ZBTB20: variants seen among roughly 807,000 people sequenced by gnomAD.
The protein encoded by ZBTB20 is zinc finger and BTB domain containing 20, also known as zinc finger and BTB domain-containing protein 20.
ZBTB20 carries 9 observed loss-of-function variants against 56.9 expected under a neutral mutation model. The observed-to-expected ratio is 0.16, with a 90% CI of 0.10 to 0.28. The LOEUF is 0.28. Ranked by LOEUF, ZBTB20 falls within the 10% of genes least tolerant of loss-of-function variation. The probability of loss-of-function intolerance (pLI) is 1.00; values close to 1 mark genes in which losing one functional copy is unlikely to be tolerated. For synonymous variants in ZBTB20, 417 were observed against 420.7 expected (o/e 0.99, Z 0.11); for missense variants, 655 against 1,003.0 (o/e 0.65, Z 4.69).
At chr3:114,388,320 A>G (rs1233786050) in intron 8 of ZBTB20, 1 of 152,274 alleles carries the variant, frequency 6.6e-6, no homozygotes, top group Non-Finnish European at 1.5e-5. Flanking sequence ...AATACTTGAT[A>G]TCAAACTTTC....
chr3:115,069,586 T>C (rs1465104225), intron 2 of ZBTB20, among the ~76,000 whole-genome samples: 3 of 151,964 alleles, frequency 2.0e-5, no homozygotes, highest in African/African-American at 7.2e-5. Context: ...TTCTCATAAA[T>C]CCTGAGAAAA....
chr3:115,132,883 A>C (rs1403995913), intron 1 of ZBTB20, among the ~76,000 whole-genome samples: 4 of 152,194 alleles, frequency 2.6e-5, no homozygotes, highest in Admixed American at 2.0e-4. Context: ...TATATTTCCT[A>C]TTATTGAATC....
intron 1 of ZBTB20, among the ~76,000 whole-genome samples, chr3:115,121,689 T>C (rs1254287271): frequency 6.6e-6 from 1 of 152,026 alleles, no homozygotes; most frequent in Non-Finnish European, 1.5e-5. Flanking sequence ...ATTGATATTA[T>C]AGTTTATAGA....
At chr3:115,095,728 G>A (rs913286283) in intron 1 of ZBTB20, among the ~76,000 whole-genome samples, 5 of 151,966 alleles carry the variant, frequency 3.3e-5, no homozygotes, top group Non-Finnish European at 7.4e-5. Context: ...TAGAACTAGG[G>A]GAGCTCAAGG....
intron 1 of ZBTB20, among the ~76,000 whole-genome samples, chr3:115,109,823 T>A (rs1017465595): frequency 6.6e-6 from 1 of 152,102 alleles, no homozygotes; most frequent in Non-Finnish European, 1.5e-5. Context: ...AAAGTAAAAT[T>A]TAAAGAAAGG....
chr3:115,112,213 G>A (rs948708298), intron 1 of ZBTB20, among the ~76,000 whole-genome samples: 1 of 151,886 alleles, frequency 6.6e-6, no homozygotes, highest in Non-Finnish European at 1.5e-5. Flanking sequence ...TATTTATGGG[G>A]TATATGTGAT....
At chr3:114,579,313 G>C (rs965439340) in intron 6 of ZBTB20, among the ~76,000 whole-genome samples, 4 of 151,464 alleles carry the variant, frequency 2.6e-5, no homozygotes, top group African/African-American at 9.7e-5. Context: ...TGTTTACAAA[G>C]TAAAAGCATA....
At chr3:114,759,749 T>C (rs2068299861) in intron 5 of ZBTB20, among the ~76,000 whole-genome samples, 1 of 152,168 alleles carries the variant, frequency 6.6e-6, no homozygotes, top group African/African-American at 2.4e-5. Flanking sequence ...ACTGATTTGT[T>C]CATGCATTCT....
intron 7 of ZBTB20, among the ~76,000 whole-genome samples, chr3:114,445,150 A>G (rs2091192406): frequency 6.6e-6 from 1 of 152,202 alleles, no homozygotes; most frequent in Non-Finnish European, 1.5e-5. Flanking sequence ...TAAATCTTTA[A>G]GCAGATGTGC....
chr3:115,091,125 A>C (rs371199199), intron 1 of ZBTB20, among the ~76,000 whole-genome samples: 1 of 151,614 alleles, frequency 6.6e-6, no homozygotes, highest in Non-Finnish European at 1.5e-5. Context: ...AAAAAAGTGA[A>C]AAACAAATAA....
chr3:114,693,891 A>G (rs997630312), intron 5 of ZBTB20, among the ~76,000 whole-genome samples: 3 of 151,972 alleles, frequency 2.0e-5, no homozygotes, highest in African/African-American at 7.2e-5. Flanking sequence ...TTAATTATCC[A>G]TGGTCTGTTT....
intron 1 of ZBTB20, among the ~76,000 whole-genome samples, chr3:115,113,347 C>A (rs193129613): frequency 1.4e-3 from 212 of 152,300 alleles, no homozygotes; most frequent in Middle Eastern, 3.4e-3. Flanking sequence ...TGGGTGAATT[C>A]CTCTTCCAGG....
chr3:115,110,676 C>G (rs895095382), intron 1 of ZBTB20, among the ~76,000 whole-genome samples: 4 of 152,016 alleles, frequency 2.6e-5, no homozygotes, highest in Non-Finnish European at 5.9e-5. Context: ...GTTTATATCT[C>G]AATGAAGAGA....
At position 114,829,971 on chromosome 3, in the gene ZBTB20, C is replaced by T. The variant is rs193186239; in HGVS notation, c.-416-28797G>A. Among the ~76,000 whole-genome samples, 7 of 151,994 alleles carry T rather than the reference C, an allele frequency of 4.6e-5. No homozygotes were observed. In the East Asian group the frequency reaches 1.4e-3, roughly 29 times the overall value. ...CTAACTCTTCAAGTCAGACAGCATT[C>T]CTATGTGCAATGATCCTCGATACAG... is the stretch of plus-strand genomic sequence containing the variant. On this transcript the variant is annotated intron_variant, in intron 4 of 11. Coordinates refer to ENST00000675478, the MANE Select transcript of ZBTB20 (RefSeq NM_001348800.3).
intron 7 of ZBTB20, among the ~76,000 whole-genome samples, chr3:114,401,193 A>AT (rs62798360): frequency 6.6e-6 from 1 of 151,578 alleles, no homozygotes; most frequent in African/African-American, 2.4e-5. Context: ...GCACAATTGA[A>AT]TTTTTTTGTG....
chr3:114,617,152 T>G (rs1012734211), intron 6 of ZBTB20, among the ~76,000 whole-genome samples: 2 of 152,182 alleles, frequency 1.3e-5, no homozygotes, highest in African/African-American at 4.8e-5. Context: ...ACTTAAAACC[T>G]TTCAATAGCT....
chr3:114,574,239 T>C (rs544487511), intron 6 of ZBTB20, among the ~76,000 whole-genome samples: 2 of 152,324 alleles, frequency 1.3e-5, no homozygotes, highest in East Asian at 3.9e-4. Context: ...AATGACATTG[T>C]GATAAACACC....
At chr3:114,376,636 GA>G in intron 10 of ZBTB20, among the ~76,000 whole-genome samples, 2 of 152,294 alleles carry the variant, frequency 1.3e-5, no homozygotes, top group East Asian at 3.9e-4. Flanking sequence ...CCAGCAGAAT[GA>G]TGCTACCTAC....
At chr3:114,565,171 G>A (rs1410394214) in intron 6 of ZBTB20, among the ~76,000 whole-genome samples, 1 of 152,086 alleles carries the variant, frequency 6.6e-6, no homozygotes, top group African/African-American at 2.4e-5. Flanking sequence ...TTTTAAAAAC[G>A]ATGTTCATTC....
Sources: gnomAD v4.1 joint callset for allele counts (sites outside exome capture counted in the v4.1 genomes callset) on GRCh38, gnomAD v4.1.1 for gene constraint, MANE v1.5 for transcripts, NCBI Gene and HGNC (gene_info 2026-07-23, HGNC 2026-07-21) for gene names.